The following EEF1D variants were observed in gnomAD, a reference collection of about 807,000 sequenced individuals.
The protein encoded by EEF1D is eukaryotic translation elongation factor 1 delta.
A neutral mutation model predicts 63.9 loss-of-function variants in EEF1D; 47 were observed. The ratio of observed to expected loss-of-function variants is 0.74; its 90% CI spans 0.58 to 0.94. The LOEUF is 0.94. Among genes scored for constraint, EEF1D ranks in the 40% least tolerant of loss-of-function variants. The probability of loss-of-function intolerance (pLI) is 0.00; values close to 1 mark genes in which losing one functional copy is unlikely to be tolerated. For missense variants in EEF1D, 907 were observed against 899.0 expected (o/e 1.01, Z -0.11); for synonymous variants, 412 against 386.1 (o/e 1.07, Z -0.79).
rs953784888 is a variant in EEF1D at position 143,586,303 on chromosome 8, C to T, written c.1216-13G>A. 10 of 1,539,700 alleles carry T rather than the reference C, an allele frequency of 6.5e-6. No individual in the cohort carries two copies. Among genetic ancestry groups the T allele is most frequent in the Non-Finnish European group, 7.8e-6 (9 of 1,148,384 alleles). ...TGGCGCCGTTCTCCTGCAGACAGTGCAGAAAGAACCAGTCTTTTTTTTATT... is the reference window on the plus strand; with the variant it reads ...TGGCGCCGTTCTCCTGCAGACAGTGTAGAAAGAACCAGTCTTTTTTTTATT... On this transcript the variant is annotated splice_polypyrimidine_tract_variant and intron_variant, in intron 4 of 9. Coordinates refer to ENST00000618139, the MANE Select transcript of EEF1D (RefSeq NM_001130053.5).
At chr8:143,592,279 T>G in intron 2 of EEF1D, 1 of 985,334 alleles carries the variant, frequency 1.0e-6, no homozygotes, top group Non-Finnish European at 1.2e-6. Context: ...TACCAGACTT[T>G]ATTGGCCAAA....
At chr8:143,587,976 C>T (rs186394935) in intron 3 of EEF1D, among the ~76,000 whole-genome samples, 7 of 152,278 alleles carry the variant, frequency 4.6e-5, no homozygotes, top group South Asian at 2.1e-4. Context: ...GTGTGGACTC[C>T]GGACCATCGC....
chr8:143,583,089 G>GT (rs1825869121), intron 5 of EEF1D: 1 of 152,260 alleles, frequency 6.6e-6, no homozygotes, highest in African/African-American at 2.4e-5. Flanking sequence ...CTTTGCAGAG[G>GT]TAACTGTCAC....
chr8:143,595,124 C>G (rs1337439257), intron 1 of EEF1D, among the ~76,000 whole-genome samples: 4 of 152,174 alleles, frequency 2.6e-5, no homozygotes, highest in Non-Finnish European at 5.9e-5. Context: ...GGCTGGAGTG[C>G]AGTGGTACGA....
Position 143,581,263 on chromosome 8 carries a change from G to T in EEF1D, c.1353C>A (p.Ala451=), listed in dbSNP as rs761785791. The T allele has an allele frequency of 1.2e-6, 2 of 1,612,650 alleles. No individual in the cohort carries two copies. Among genetic ancestry groups the T allele is most frequent in the Non-Finnish European group, 1.7e-6 (2 of 1,179,998 alleles). The stretch of plus-strand genomic sequence containing the variant: ...GACTCTGGTTCTCCACTTCCAGACT[G>T]GCAATCCGGACGACGAGCTCACCGT... ...GDHGELVVRI[A]SLEVENQSLR... The change falls in exon 6 of 10, where the codon GCC becomes GCA. Residue 451 remains alanine (A), a synonymous_variant. Coordinates refer to ENST00000618139, the MANE Select transcript of EEF1D (RefSeq NM_001130053.5).
chr8:143,581,345 G>A lies in EEF1D; in HGVS notation c.1288-17C>T, dbSNP rs759251947. 1.2e-6 allele frequency: 2 copies of A among 1,606,332 alleles called. No individual in the cohort carries two copies. The highest frequency in any genetic ancestry group is 2.2e-5 in the South Asian group (2 of 90,412). ...GCCTGAGCTCTGCAAGGCAGGAGGA[G>A]GGGAGGGCTCAGTGCCCAGCCTGCT... On this transcript the variant is annotated splice_polypyrimidine_tract_variant and intron_variant, in intron 5 of 9. Coordinates refer to ENST00000618139, the MANE Select transcript of EEF1D (RefSeq NM_001130053.5).
intron 2 of EEF1D, chr8:143,590,347 G>C: frequency 1.6e-6 from 1 of 634,640 alleles, no homozygotes; most frequent in Non-Finnish European, 2.7e-6. Flanking sequence ...GGGAGGCCAA[G>C]TGCCTCCCAA....
At chr8:143,586,563 G>T (rs1302557869) in intron 4 of EEF1D, among the ~76,000 whole-genome samples, 166 bp downstream of exon 4, 3 of 152,166 alleles carry the variant, frequency 2.0e-5, no homozygotes, top group Admixed American at 6.5e-5. Flanking sequence ...CCGGCCCGGG[G>T]GCCCGGCCAA....
At position 143,580,701 on chromosome 8, in the gene EEF1D, C is replaced by T; in HGVS notation, c.1515G>A (p.Glu505=). The change falls in exon 8 of 10, where the codon GAG becomes GAA. Residue 505 remains glutamate (E), a synonymous_variant. Coordinates refer to ENST00000618139, the MANE Select transcript of EEF1D (RefSeq NM_001130053.5). ...GTGTGGCTGGCTTCTTGGCTGGGGG[C>T]TCCACTTGGCGCATGGGAGATACGT... The part of the protein sequence containing the change: ...TQHVSPMRQV[E]PPAKKPATPA... 6.2e-7 allele frequency: 1 copy of T among 1,613,622 alleles called. No individual in the cohort carries two copies. The highest frequency in any genetic ancestry group is 8.5e-7 in the Non-Finnish European group (1 of 1,180,002).
intron 2 of EEF1D, 194 bp from the exon 3 acceptor site, chr8:143,590,275 G>A (rs1196357747): frequency 5.8e-6 from 5 of 865,092 alleles, no homozygotes; most frequent in South Asian, 4.9e-5. Flanking sequence ...ATGTGGGGAC[G>A]TTTTGTTGTG....
At chr8:143,586,458 C>T (rs766928885) in intron 4 of EEF1D, among the ~76,000 whole-genome samples, 168 bp from the exon 5 acceptor site, 7 of 152,368 alleles carry the variant, frequency 4.6e-5, no homozygotes, top group African/African-American at 7.2e-5. Flanking sequence ...GAGGCTGTGA[C>T]GACAGGCAAA....
At chr8:143,580,970 T>C in intron 7 of EEF1D, 84 bp downstream of exon 7, 1 of 1,456,362 alleles carries the variant, frequency 6.9e-7, no homozygotes, top group South Asian at 1.2e-5. Flanking sequence ...TCATCACTGC[T>C]GCTGGGGCCA....
Position 143,589,827 on chromosome 8 carries a change from C to T in EEF1D, c.255G>A (p.Gln85=). 1.2e-6 allele frequency: 2 copies of T among 1,603,972 alleles called. No homozygotes were observed. The highest frequency in any genetic ancestry group is 1.7e-6 in the Non-Finnish European group (2 of 1,176,702). ...RKSQDSRKPL[Q]KKRKRSPKSG... ...TCTTGGGGGAGCGCTTCCTCTTTTT[C>T]TGCAGGGGCTTCCTGCTGTCCTGGC... The change falls in exon 3 of 10, where the codon CAG becomes CAA. Residue 85 remains glutamine, a synonymous_variant. Transcript: ENST00000618139.
intron 3 of EEF1D, 200 bp from the exon 4 acceptor site, chr8:143,587,052 T>C (rs923350643): frequency 2.4e-5 from 15 of 619,170 alleles, no homozygotes; most frequent in Non-Finnish European, 3.7e-5. Flanking sequence ...TCTCAAAGTG[T>C]GGTCCGAGAA....
At chr8:143,583,819 G>T (rs541315727) in intron 5 of EEF1D, 2 of 152,306 alleles carry the variant, frequency 1.3e-5, no homozygotes, top group African/African-American at 4.8e-5. Context: ...TAAGTTAAGC[G>T]GCAGAGAGGA....
At chr8:143,586,317 CT>C (rs766031138) in intron 4 of EEF1D, 27 bp from the exon 5 acceptor site, 50 of 1,500,630 alleles carry the variant, frequency 3.3e-5, no homozygotes, top group South Asian at 2.8e-4. Context: ...AAGAACCAGT[CT>C]TTTTTTTATT....
intron 1 of EEF1D, chr8:143,594,062 G>A (rs540058509): frequency 3.4e-6 from 1 of 290,548 alleles, no homozygotes; most frequent in South Asian, 1.3e-4. Context: ...CCAAGCTCAG[G>A]AGGAGCTTTC....
Position 143,589,557 on chromosome 8 carries a change from C to A in EEF1D, c.525G>T (p.Arg175=). ...GGGCCTGAGACCACTCCACGAAGGC[C>A]CGCTCAGCCTGGTCGAAGGAGGACT... ...VNKSSFDQAE[R]AFVEWSQALL... is the part of the protein sequence containing the mutation. Residue 175 remains arginine, a synonymous_variant, in exon 3 of 10, where the codon CGG becomes CGT. Transcript: ENST00000618139. 1 of 1,513,744 alleles carries A rather than the reference C, an allele frequency of 6.6e-7. No homozygotes were observed. The highest frequency in any genetic ancestry group is 8.8e-7 in the Non-Finnish European group (1 of 1,130,946). 93.8% of individuals were successfully genotyped at this position (1,513,744 alleles called of 1,614,324 possible). A position where few individuals can be genotyped will look rare whatever the true frequency, so the allele number is the denominator to read the frequency against.
At chr8:143,580,440 G>A in intron 8 of EEF1D, 66 bp downstream of exon 8, 1 of 1,555,132 alleles carries the variant, frequency 6.4e-7, no homozygotes, top group Non-Finnish European at 8.8e-7. Flanking sequence ...AGGGTCACAG[G>A]CTGAGCCGGC....
Sources: gnomAD v4.1 joint callset for allele counts (sites outside exome capture counted in the v4.1 genomes callset) on GRCh38, gnomAD v4.1.1 for gene constraint, MANE v1.5 for transcripts, NCBI Gene and HGNC (gene_info 2026-07-23, HGNC 2026-07-21) for gene names.